The following STS variants were observed in gnomAD, a reference collection of about 807,000 sequenced individuals.
The protein encoded by STS is steryl-sulfatase.
A neutral mutation model predicts 26.8 loss-of-function variants in STS; 7 were observed. The ratio of observed to expected loss-of-function variants is 0.26; its 90% CI spans 0.15 to 0.49. STS has a LOEUF of 0.49. Among genes scored for constraint, STS ranks in the 20% least tolerant of loss-of-function variants. The pLI is 0.98. For synonymous variants in STS, 199 were observed against 189.4 expected (o/e 1.05, Z -0.42); for missense variants, 434 against 465.6 (o/e 0.93, Z 0.63).
chrX:7,226,292 T>C (rs1046822544), intron 2 of STS, among the ~76,000 whole-genome samples: 1 of 111,966 alleles, frequency 8.9e-6, no homozygotes, highest in Non-Finnish European at 1.9e-5. Flanking sequence ...ACATAATGTG[T>C]GTGAGATTCT....
chrX:7,321,146 A>C (rs182016140), intron 8 of STS, among the ~76,000 whole-genome samples: 1 of 111,805 alleles, frequency 8.9e-6, no homozygotes, highest in East Asian at 2.8e-4. Context: ...GCTGGAGGCC[A>C]CTATCCTAAA....
At chrX:7,168,057 T>A (rs1933387607) in intron 1 of STS, among the ~76,000 whole-genome samples, 1 of 110,917 alleles carries the variant, frequency 9.0e-6, no homozygotes, top group African/African-American at 3.3e-5. Flanking sequence ...CATACAAACA[T>A]CCCTTTACTT....
In STS at chrX:7,315,000, GCAA is replaced by G. The variant is rs762643739; in HGVS notation, c.1081+9818_1081+9820del. Among the ~76,000 whole-genome samples, 9 of 112,258 alleles carry G rather than the reference GCAA, an allele frequency of 8.0e-5. No homozygotes were observed. The East Asian group carries it at 2.0e-3, about 24-fold the overall frequency. ...GACTGGTGGAGAAAATTTTAGGAATGCAATGTATTAGGGAAATGAAACATTTAG... is the reference window on the plus strand; with the variant it reads ...GACTGGTGGAGAAAATTTTAGGAATGTGTATTAGGGAAATGAAACATTTAG... On this transcript the variant is annotated intron_variant, in intron 8 of 10. Transcript: ENST00000674429.
rs746909152 is a variant in STS at position 7,350,061 on chromosome X, G to A, written c.1537G>A (p.Ala513Thr). 179 of 1,210,305 alleles carry A rather than the reference G, an allele frequency of 1.5e-4. 1 individual carries two copies. In the South Asian group the frequency reaches 2.9e-3, roughly 20 times the overall value. Reference protein sequence around the residue: ...DPRERNPLTPASEPRFYEILK... With the variant: ...DPRERNPLTPTSEPRFYEILK... ...CAGAGAGAGAAACCCACTAACTCCA[G>A]CATCCGAGCCCCGGTTTTATGAAAT... The change falls in exon 11 of 11, where the codon GCA becomes ACA. Residue 513 changes from alanine to threonine, a missense_variant. Coordinates refer to ENST00000674429, the MANE Select transcript of STS (RefSeq NM_001320752.2).
intron 2 of STS, among the ~76,000 whole-genome samples, chrX:7,207,033 A>G (rs1920955125): frequency 9.0e-6 from 1 of 111,204 alleles, no homozygotes; most frequent in African/African-American, 3.3e-5. Flanking sequence ...AACATGGTGA[A>G]ACTCCATCTC....
chrX:7,166,063 A>T (rs974072222), intron 1 of STS, among the ~76,000 whole-genome samples: 198 of 102,801 alleles, frequency 1.9e-3, no homozygotes, highest in Non-Finnish European at 3.1e-3. Context: ...GCTGTAGTGC[A>T]GTGGCGTGAT....
At chrX:7,252,290 G>A in intron 2 of STS, 1 of 753,561 alleles carries the variant, frequency 1.3e-6, no homozygotes, top group Non-Finnish European at 1.6e-6. Flanking sequence ...GTTGCTGGGA[G>A]AGGTGTTGCC....
chrX:7,149,756 T>C (rs1417027063), intron 1 of STS, among the ~76,000 whole-genome samples: 1 of 111,884 alleles, frequency 8.9e-6, no homozygotes, highest in Admixed American at 9.5e-5. Context: ...GGAAAGGACC[T>C]ATTCCAGGTC....
intron 7 of STS, among the ~76,000 whole-genome samples, chrX:7,299,400 G>A (rs1199512316): frequency 1.3e-4 from 13 of 97,285 alleles, no homozygotes; most frequent in East Asian, 9.3e-4. Flanking sequence ...TATAATATAC[G>A]TATAAAATAT....
chrX:7,166,864 C>T (rs1933361369), intron 1 of STS, among the ~76,000 whole-genome samples: 1 of 112,157 alleles, frequency 8.9e-6, no homozygotes, highest in Non-Finnish European at 1.9e-5. Context: ...CCCATAGCTA[C>T]TACCTATGGC....
intron 1 of STS, among the ~76,000 whole-genome samples, chrX:7,148,462 C>T (rs1234775656): frequency 8.9e-6 from 1 of 112,936 alleles, no homozygotes; most frequent in Non-Finnish European, 1.9e-5. Context: ...GGGACAAATT[C>T]AGTGCTTGAG....
At chrX:7,294,353 A>G (rs1925564640) in intron 7 of STS, among the ~76,000 whole-genome samples, 1 of 111,030 alleles carries the variant, frequency 9.0e-6, no homozygotes, top group Non-Finnish European at 1.9e-5. Flanking sequence ...GAAATTATCA[A>G]AGAATCAAGT....
At chrX:7,261,749 A>G (rs769926750) in intron 6 of STS, among the ~76,000 whole-genome samples, 17 of 112,029 alleles carry the variant, frequency 1.5e-4, no homozygotes, top group Admixed American at 3.8e-4. Context: ...CATAGGGTGT[A>G]TTTTAGTATA....
chrX:7,173,614 CTT>C (rs746230789), intron 1 of STS, among the ~76,000 whole-genome samples: 94 of 112,211 alleles, frequency 8.4e-4, no homozygotes, highest in African/African-American at 2.9e-3. Context: ...TGTTTCTTGA[CTT>C]TTTAATAATT....
At chrX:7,240,493 ATGTGTGTGTGTGTG>A (rs374194610) in intron 2 of STS, among the ~76,000 whole-genome samples, 24 of 72,691 alleles carry the variant, frequency 3.3e-4, no homozygotes, top group African/African-American at 1.3e-3. Context: ...ACAGATATGT[ATGTGTGTGTGTGTG>A]TGTGTGTGTG....
intron 9 of STS, among the ~76,000 whole-genome samples, chrX:7,332,588 C>T (rs1334248765): frequency 9.0e-6 from 1 of 111,130 alleles, no homozygotes; most frequent in Admixed American, 9.6e-5. Context: ...CTTCAGGTCA[C>T]TTTTCACCAC....
Position 7,325,409 on chromosome X carries a change from G to C in STS, c.1152G>C (p.Gln384His), listed in dbSNP as rs749823120. 9.1e-6 allele frequency: 11 copies of C among 1,211,425 alleles called. No individual in the cohort carries two copies. The highest frequency in any genetic ancestry group is 3.0e-5 in the East Asian group (1 of 33,806). ...PGILRWPRVI[Q>H]AGQKIDEPTS... ...TCCTTCGTTGGCCCAGGGTGATACA[G>C]GCTGGCCAGAAGATTGATGAGCCCA... The change falls in exon 9 of 11, where the codon CAG becomes CAC. Residue 384 changes from glutamine (Q) to histidine (H), a missense_variant. Transcript: ENST00000674429.
In STS at chrX:7,325,502, C is replaced by G. The variant is rs1178930606; in HGVS notation, c.1241+4C>G. The stretch of plus-strand genomic sequence containing the variant: ...GAGCTCCCTTGCCTGAGGACAGGTA[C>G]TCTGATGCCAGGGTGGTTGGTATTG... On this transcript the variant is annotated splice_donor_region_variant and intron_variant, in intron 9 of 10. Coordinates refer to ENST00000674429, the MANE Select transcript of STS (RefSeq NM_001320752.2). The G allele has an allele frequency of 1.7e-6, 2 of 1,210,624 alleles. No individual in the cohort carries two copies. The highest frequency in any genetic ancestry group is 2.2e-6 in the Non-Finnish European group (2 of 894,988).
intron 2 of STS, chrX:7,252,319 G>A: frequency 2.7e-6 from 2 of 748,320 alleles, no homozygotes; most frequent in Non-Finnish European, 3.2e-6. Context: ...CTGGTGGGAA[G>A]ACTAGAAGGA....
Sources: gnomAD v4.1 joint callset for allele counts (sites outside exome capture counted in the v4.1 genomes callset) on GRCh38, gnomAD v4.1.1 for gene constraint, MANE v1.5 for transcripts, NCBI Gene and HGNC (gene_info 2026-07-23, HGNC 2026-07-21) for gene names.